TSR1: variants seen among roughly 807,000 people sequenced by gnomAD.
TSR1 encodes the protein pre-rRNA-processing protein TSR1 homolog.
TSR1 carries 81 observed loss-of-function variants against 90.9 expected under a neutral mutation model. That is an observed-to-expected ratio of 0.89 (90% CI 0.74 to 1.07). The LOEUF (loss-of-function observed/expected upper bound fraction) is 1.07. Among genes scored for constraint, TSR1 ranks in the 50% least tolerant of loss-of-function variants. TSR1 has a pLI of 0.00. For missense variants in TSR1, 989 were observed against 987.3 expected, an observed-to-expected ratio of 1.00 and a Z score of -0.02; for synonymous variants, 362 against 348.8, an observed-to-expected ratio of 1.04 and a Z score of -0.42.
At chr17:2,332,714 G>A (rs2064015484) in intron 7 of TSR1, among the ~76,000 whole-genome samples, 1 of 152,082 alleles carries the variant, frequency 6.6e-6, no homozygotes, top group Non-Finnish European at 1.5e-5. Context: ...GTGGGCGCCT[G>A]TAGTCCCAGC....
chr17:2,328,148 C>A (rs932416385), intron 11 of TSR1, among the ~76,000 whole-genome samples: 1 of 146,280 alleles, frequency 6.8e-6, no homozygotes, highest in African/African-American at 2.5e-5. Context: ...GAAGCTGAGG[C>A]AGGAAAACTG....
Position 2,324,237 on chromosome 17 carries a change from T to C in TSR1, c.2374A>G (p.Ser792Gly), listed in dbSNP as rs912024627. Residue 792 changes from serine (S) to glycine (G), a missense_variant, in exon 15 of 15, where the codon AGT (serine) becomes GGT (glycine). Transcript: ENST00000301364. ...TGAGGCACTGTTGAAGAAATCTCAC[T>C]TTTCAGCCAGGGTACTGGTTCTGGT... is the stretch of plus-strand genomic sequence containing the variant. ...YVPEPVPWLK[S>G]EISSTVPQGG... is the part of the protein sequence containing the mutation. The C allele has an allele frequency of 2.0e-6, 3 of 1,529,874 alleles. No individual in the cohort carries two copies. In the African/African-American group the frequency reaches 4.2e-5, roughly 21 times the overall value. 94.8% of individuals were successfully genotyped at this position (1,529,874 alleles called of 1,614,324 possible). A position where few individuals can be genotyped will look rare whatever the true frequency, so the allele number is the denominator to read the frequency against.
chr17:2,333,699 A>G lies in TSR1; in HGVS notation c.999T>C (p.Ala333=). 1.2e-6 allele frequency: 2 copies of G among 1,614,140 alleles called. No individual in the cohort carries two copies. Among genetic ancestry groups the G allele is most frequent in the Non-Finnish European group, 1.7e-6 (2 of 1,180,028 alleles). ...TAAGACCTTCTTCCATATCATCTAC[A>G]GCATCCGTAGCACAAATCTGAAAAC... The part of the protein sequence containing the change: ...DMAMEICATD[A]VDDMEEGLKV... Residue 333 remains alanine (A), a synonymous_variant, in exon 6 of 15, where the codon GCT becomes GCC. Coordinates refer to ENST00000301364, the MANE Select transcript of TSR1 (RefSeq NM_018128.5).
At chr17:2,334,974 AAT>A in intron 4 of TSR1, 78 bp from the exon 5 acceptor site, 1 of 1,461,476 alleles carries the variant, frequency 6.8e-7, no homozygotes, top group Non-Finnish European at 9.2e-7. Context: ...CAAACAACCT[AAT>A]AGCTCAGTTG....
At chr17:2,326,658 T>C (rs556050948) in intron 11 of TSR1, among the ~76,000 whole-genome samples, 6 of 152,282 alleles carry the variant, frequency 3.9e-5, no homozygotes, top group South Asian at 4.1e-4. Context: ...ACTAAACTTA[T>C]AGGAAAATAA....
rs1386281443 is a variant in TSR1, at chr17:2,336,383, A to G, written c.45T>C (p.Ala15=). The G allele has an allele frequency of 6.2e-7, 1 of 1,613,348 alleles. No individual in the cohort carries two copies. The highest frequency in any genetic ancestry group is 8.5e-7 in the Non-Finnish European group (1 of 1,180,000). ...RPGPLKQQNK[A]HKGGRHRGRG... ...GACCCCGATGCCGTCCGCCTTTATG[A>G]GCTTTATTCTGCTGCTTGAGCGGGC... The change falls in exon 1 of 15, where the codon GCT becomes GCC. Residue 15 remains alanine, a synonymous_variant. Transcript: ENST00000301364.
Position 2,336,140 on chromosome 17 carries a change from C to G in TSR1, c.98G>C (p.Gly33Ala), listed in dbSNP as rs1431918502. ...GCTTAGGGTTTTCAGTGCCAGACGG[C>G]CTGAATGGCAGATTAGAAGGGGCTG... is the stretch of plus-strand genomic sequence containing the variant. ...GRGSAQRDGKGRLALKTLSKK... is the reference protein window; with the variant it reads ...GRGSAQRDGKARLALKTLSKK... Residue 33 changes from glycine (G) to alanine (A), a missense_variant and splice_region_variant, in exon 2 of 15, where the codon GGC becomes GCC. Coordinates refer to ENST00000301364, the MANE Select transcript of TSR1 (RefSeq NM_018128.5). The G allele has an allele frequency of 1.9e-6, 3 of 1,613,898 alleles. No homozygotes were observed. The highest frequency in any genetic ancestry group is 2.5e-6 in the Non-Finnish European group (3 of 1,179,890).
chr17:2,333,594 T>C lies in TSR1; in HGVS notation c.1104A>G (p.Gln368=). The change falls in exon 6 of 15, where the codon CAA becomes CAG. Residue 368 remains glutamine, a synonymous_variant. Transcript: ENST00000301364. Reference sequence around the variant, plus strand: ...TCAGCTCCTCCTCAGTGGGCCAGGTTTGCTCTCCCTCCATTGGATCTGGGA... The same window carrying C: ...TCAGCTCCTCCTCAGTGGGCCAGGTCTGCTCTCCCTCCATTGGATCTGGGA... ...EVIPDPMEGE[Q]TWPTEEELSE... The C allele has an allele frequency of 6.2e-7, 1 of 1,614,132 alleles. No individual in the cohort carries two copies. The highest frequency in any genetic ancestry group is 1.1e-5 in the South Asian group (1 of 91,082).
intron 2 of TSR1, 92 bp downstream of exon 2, chr17:2,335,945 G>A: frequency 1.3e-5 from 18 of 1,402,958 alleles, no homozygotes; most frequent in Non-Finnish European, 1.7e-5. Context: ...CTCTGTCCCT[G>A]GACCCTCCTC....
At position 2,324,209 on chromosome 17, in the gene TSR1, C is replaced by G; in HGVS notation, c.2402G>C (p.Gly801Ala). The change falls in exon 15 of 15, where the codon GGG becomes GCG. Residue 801 changes from glycine (G) to alanine (A), a missense_variant. Transcript: ENST00000301364. ...KSEISSTVPQ[G>A]GME ...TCTTTGAATCCATTACTCCATGCCC[C>G]CTTGAGGCACTGTTGAAGAAATCTC... is the stretch of plus-strand genomic sequence containing the variant. The G allele has an allele frequency of 2.0e-6, 3 of 1,522,500 alleles. No individual in the cohort carries two copies. In the South Asian group the frequency reaches 4.1e-5, roughly 21 times the overall value. The allele number at this position is 1,522,500 out of a possible 1,614,324, so 94.3% of individuals were successfully genotyped here.
chr17:2,334,618 G>A lies in TSR1; in HGVS notation c.835C>T (p.Arg279Ter), dbSNP rs766273934. 39 of 1,613,998 alleles carry A rather than the reference G, an allele frequency of 2.4e-5. No homozygotes were observed. The highest frequency in any genetic ancestry group is 2.1e-4 in the South Asian group (19 of 91,070). ...VGTLKISGYV[R>*]GQTLNVNRLL... The stretch of plus-strand genomic sequence containing the variant: ...CTATTGACATTCAGAGTCTGCCCTC[G>A]AACATAGCCTGAAATTTTCAAGGTG... The change falls in exon 5 of 15, where the codon CGA becomes TGA. Residue 279 changes from arginine to a stop codon, truncating the protein, a stop_gained. Coordinates refer to ENST00000301364, the MANE Select transcript of TSR1 (RefSeq NM_018128.5). LOFTEE classifies it high-confidence loss of function.
In TSR1 at chr17:2,332,176, G is replaced by A. The variant is rs1221761493; in HGVS notation, c.1489C>T (p.Arg497Ter). 7 of 1,611,058 alleles carry A rather than the reference G, an allele frequency of 4.3e-6. No homozygotes were observed. Among genetic ancestry groups the A allele is most frequent in the Admixed American group, 1.7e-5 (1 of 58,894 alleles). ...ATAGACTTGTTGACTAACCGAATTCGAGCAGCCACATCACGGGGCGTGTCC... is the reference window on the plus strand; with the variant it reads ...ATAGACTTGTTGACTAACCGAATTCAAGCAGCCACATCACGGGGCGTGTCC... Reference protein sequence around the residue: ...EVDTPRDVAARIRFQKYRGLK... With the variant: ...EVDTPRDVAA Residue 497 changes from arginine (R) to a stop codon, truncating the protein, a stop_gained, in exon 8 of 15, where the codon CGA (arginine) becomes TGA (stop). Coordinates refer to ENST00000301364, the MANE Select transcript of TSR1 (RefSeq NM_018128.5). LOFTEE classifies it high-confidence loss of function.
intron 14 of TSR1, 63 bp downstream of exon 14, chr17:2,324,441 C>A: frequency 3.1e-6 from 5 of 1,611,650 alleles, no homozygotes; most frequent in Non-Finnish European, 4.2e-6. Flanking sequence ...GACTTCCAAC[C>A]CAACAGTCAT....
At position 2,329,452 on chromosome 17, in the gene TSR1, C is replaced by T; in HGVS notation, c.1794G>A (p.Val598=). Reference sequence around the variant, plus strand: ...GTTCAGTGTTGCCAGGGTCACGCCTCACCACCATATTCAATACTGACATCT... The same window carrying T: ...GTTCAGTGTTGCCAGGGTCACGCCTTACCACCATATTCAATACTGACATCT... ...EQKMSVLNMV[V]RRDPGNTEPV... is the part of the protein sequence containing the mutation. The change falls in exon 11 of 15, where the codon GTG becomes GTA. Residue 598 remains valine, a synonymous_variant. Transcript: ENST00000301364. 1.9e-6 allele frequency: 3 copies of T among 1,614,166 alleles called. No homozygotes were observed. Among genetic ancestry groups the T allele is most frequent in the Non-Finnish European group, 2.5e-6 (3 of 1,180,026 alleles).
intron 11 of TSR1, among the ~76,000 whole-genome samples, chr17:2,325,844 C>A (rs1249839655): frequency 1.3e-5 from 2 of 152,198 alleles, no homozygotes; most frequent in African/African-American, 4.8e-5. Flanking sequence ...AACTCCTCAC[C>A]TTGTGATCCA....
Position 2,324,137 on chromosome 17 carries a change from G to C in TSR1, c.*59C>G, listed in dbSNP as rs1026956564. On this transcript the variant is annotated 3_prime_UTR_variant, in exon 15 of 15. Transcript: ENST00000301364. ...AATAAACTTTGCCCAATCACAACTT[G>C]TGCCTCCCATCCCTGGAGTACTGAC... is the stretch of plus-strand genomic sequence containing the variant. 1.3e-5 allele frequency: 19 copies of C among 1,505,894 alleles called. No homozygotes were observed. The East Asian group carries it at 1.4e-4, about 11-fold the overall frequency. 93.3% of individuals were successfully genotyped at this position (1,505,894 alleles called of 1,614,324 possible). A position where few individuals can be genotyped will look rare whatever the true frequency, so the allele number is the denominator to read the frequency against.
chr17:2,328,216 T>G (rs1465846840), intron 11 of TSR1, among the ~76,000 whole-genome samples: 1 of 132,866 alleles, frequency 7.5e-6, no homozygotes, highest in Non-Finnish European at 1.6e-5. Flanking sequence ...GCACTCCAGT[T>G]GAGCATCAGA....
chr17:2,323,272 T>C lies in TSR1; in HGVS notation c.*924A>G, dbSNP rs748949336. ...ATAGCAGATGGTGTCAAATCCAGCA[T>C]TGGCTTGAACACCTGGCCTATTATC... is the stretch of plus-strand genomic sequence containing the variant. On this transcript the variant is annotated 3_prime_UTR_variant, in exon 15 of 15. Coordinates refer to ENST00000301364, the MANE Select transcript of TSR1 (RefSeq NM_018128.5). The C allele has an allele frequency of 1.2e-5, 20 of 1,614,054 alleles. No individual in the cohort carries two copies. The highest frequency in any genetic ancestry group is 1.2e-4 in the South Asian group (11 of 91,090).
At position 2,324,523 on chromosome 17, in the gene TSR1, T is replaced by C; in HGVS notation, c.2217A>G (p.Gly739=). 1 of 1,614,204 alleles carries C rather than the reference T, an allele frequency of 6.2e-7. No individual in the cohort carries two copies. The highest frequency in any genetic ancestry group is 8.5e-7 in the Non-Finnish European group (1 of 1,180,038). ...CCTTACCTAAAGGTTCCTTGATATG[T>C]CCTCTCCGGCCCCACTTCGTTCTCA... ...VELRTKWGRR[G]HIKEPLGTHG... The change falls in exon 14 of 15, where the codon GGA becomes GGG. Residue 739 remains glycine, a synonymous_variant. Transcript: ENST00000301364.
Sources: gnomAD v4.1 joint callset for allele counts (sites outside exome capture counted in the v4.1 genomes callset) on GRCh38, gnomAD v4.1.1 for gene constraint, MANE v1.5 for transcripts, NCBI Gene and HGNC (gene_info 2026-07-23, HGNC 2026-07-21) for gene names.